The following PKHD1 variants were observed in gnomAD, a reference collection of about 807,000 sequenced individuals.
PKHD1 encodes the protein PKHD1 ciliary IPT domain containing fibrocystin/polyductin, also known as fibrocystin.
Under a neutral mutation model 412.0 loss-of-function variants are expected in PKHD1, and 291 were observed. That is an observed-to-expected ratio of 0.71 (90% CI 0.64 to 0.78). The LOEUF is 0.78. PKHD1 is among the 30% of genes least tolerant of loss of function. The pLI is 0.00. For missense variants in PKHD1, 4,825 were observed against 4,950.7 expected (o/e 0.97, Z 0.76); for synonymous variants, 1,777 against 1,821.5 (o/e 0.98, Z 0.62).
intron 60 of PKHD1, among the ~76,000 whole-genome samples, chr6:51,727,542 T>G (rs983002032): frequency 6.6e-6 from 1 of 152,244 alleles, no homozygotes; most frequent in Admixed American, 6.5e-5. Context: ...GGCCCCCTTC[T>G]GGCGTCTTTA....
chr6:51,775,941 T>C lies in PKHD1; in HGVS notation c.8441-20A>G. 1.8e-6 allele frequency: 2 copies of C among 1,101,774 alleles called. No individual in the cohort carries two copies. The highest frequency in any genetic ancestry group is 2.8e-6 in the Non-Finnish European group (2 of 715,666). The allele number at this position is 1,101,774 out of a possible 1,614,324, so 68.2% of individuals were successfully genotyped here. On this transcript the variant is annotated intron_variant, in intron 53 of 66. Transcript: ENST00000371117. ...AAGTACCTGTTTACAAAGAAAAGTA[T>C]ATCATTCAAATCAATTTGAAATTAA...
intron 48 of PKHD1, among the ~76,000 whole-genome samples, chr6:51,858,298 A>G (rs144539315): frequency 1.3e-5 from 2 of 152,326 alleles, no homozygotes; most frequent in African/African-American, 4.8e-5. Context: ...ATTTGCGCTC[A>G]GTCATCATGG....
intron 64 of PKHD1, among the ~76,000 whole-genome samples, chr6:51,633,180 T>TA (rs1373480983): frequency 6.6e-6 from 1 of 152,106 alleles, no homozygotes; most frequent in African/African-American, 2.4e-5. Flanking sequence ...CATATTGTCT[T>TA]AGAGAGTTAT....
intron 49 of PKHD1, among the ~76,000 whole-genome samples, chr6:51,851,917 C>T (rs9370068): frequency 0.53 from 81,042 of 151,602 alleles, 22,170 homozygotes; most frequent in East Asian, 0.85. Context: ...AATTCTTCTC[C>T]GATCTTAGTT....
At chr6:51,967,209 C>G (rs1792943881) in intron 35 of PKHD1, among the ~76,000 whole-genome samples, 1 of 151,972 alleles carries the variant, frequency 6.6e-6, no homozygotes, top group Non-Finnish European at 1.5e-5. Context: ...GTCCACAACC[C>G]ACTATTTTGA....
At chr6:51,983,971 G>C (rs528416355) in intron 35 of PKHD1, among the ~76,000 whole-genome samples, 1 of 152,166 alleles carries the variant, frequency 6.6e-6, no homozygotes, top group South Asian at 2.1e-4. Context: ...ACTCTTTCTA[G>C]TCACACTGTT....
chr6:51,846,949 A>G (rs538885407), intron 50 of PKHD1, among the ~76,000 whole-genome samples: 7 of 151,712 alleles, frequency 4.6e-5, no homozygotes, highest in African/African-American at 1.7e-4. Flanking sequence ...TCAGCCATCC[A>G]TTTTTTTCTC....
rs202008567 is a variant in PKHD1, at chr6:51,870,552, T to A, written c.7438A>T (p.Ile2480Phe). Residue 2480 changes from isoleucine (I) to phenylalanine (F), a missense_variant, in exon 47 of 67, where the codon ATC becomes TTC. By Grantham distance (21) the Ile-to-Phe change is conservative (BLOSUM62 0). Transcript: ENST00000371117. Reference sequence around the variant, plus strand: ...CAGGTTCTAATGGCCACACAGTTGATGAGATCAAAATTAACAAAGGTTGTG... The same window carrying A: ...CAGGTTCTAATGGCCACACAGTTGAAGAGATCAAAATTAACAAAGGTTGTG... ...SNTTFVNFDL[I>F]NCVAIRTCSD... The A allele has an allele frequency of 5.6e-6, 9 of 1,608,610 alleles. No homozygotes were observed. In the Admixed American group the frequency reaches 1.0e-4, roughly 18 times the overall value.
chr6:52,021,858 C>G (rs1262846333), intron 33 of PKHD1, among the ~76,000 whole-genome samples: 1 of 152,110 alleles, frequency 6.6e-6, no homozygotes, highest in Non-Finnish European at 1.5e-5. Flanking sequence ...CTCATCCAAG[C>G]TCAGATGATG....
At chr6:51,803,132 C>A (rs1447588337) in intron 52 of PKHD1, among the ~76,000 whole-genome samples, 1 of 151,164 alleles carries the variant, frequency 6.6e-6, no homozygotes, top group Non-Finnish European at 1.5e-5. Context: ...TGTTGTGCTC[C>A]TAAATTAATA....
chr6:51,791,179 C>A, intron 53 of PKHD1, 57 bp downstream of exon 53: 1 of 1,554,016 alleles, frequency 6.4e-7, no homozygotes, highest in Non-Finnish European at 8.9e-7. Flanking sequence ...TTTCCCAGAG[C>A]CCCTTCTCAC....
intron 37 of PKHD1, among the ~76,000 whole-genome samples, chr6:51,918,860 G>T (rs1159949948): frequency 3.3e-5 from 5 of 152,142 alleles, no homozygotes; most frequent in Non-Finnish European, 7.4e-5. Context: ...CATTCTCACT[G>T]GTGTGAGATG....
intron 52 of PKHD1, among the ~76,000 whole-genome samples, chr6:51,800,499 C>T (rs1762741092): frequency 6.6e-6 from 1 of 152,158 alleles, no homozygotes; most frequent in Non-Finnish European, 1.5e-5. Flanking sequence ...GCTGGGGCTT[C>T]TTTTGTATCA....
intron 16 of PKHD1, among the ~76,000 whole-genome samples, chr6:52,057,747 C>T (rs1289774328): frequency 1.3e-5 from 2 of 152,122 alleles, no homozygotes; most frequent in African/African-American, 4.8e-5. Context: ...TTGTTACTTT[C>T]TACTTTGTTC....
At chr6:51,749,918 C>T (rs1390321478) in intron 57 of PKHD1, among the ~76,000 whole-genome samples, 3 of 152,072 alleles carry the variant, frequency 2.0e-5, no homozygotes, top group Non-Finnish European at 2.9e-5. Flanking sequence ...TTTTAAGGTA[C>T]TGACTAAAGT....
chr6:51,649,134 A>G lies in PKHD1; in HGVS notation c.11261T>C (p.Val3754Ala), dbSNP rs758843680. 15 of 1,613,702 alleles carry G rather than the reference A, an allele frequency of 9.3e-6. No homozygotes were observed. In the African/African-American group the frequency reaches 2.0e-4, roughly 22 times the overall value. The change falls in exon 62 of 67, where the codon GTG becomes GCG. Residue 3754 changes from valine (V) to alanine (A), a missense_variant. Val to Ala is a moderately conservative substitution (Grantham distance 64). Coordinates refer to ENST00000371117, the MANE Select transcript of PKHD1 (RefSeq NM_138694.4). ...TGGCTGCACTGGAAGCTCATTTCCCACTTCTCCATCTGAAGGCTGGACTAG... is the reference window on the plus strand; with the variant it reads ...TGGCTGCACTGGAAGCTCATTTCCCGCTTCTCCATCTGAAGGCTGGACTAG... ...SILVQPSDGE[V>A]GNELPVQPQL...
intron 52 of PKHD1, among the ~76,000 whole-genome samples, chr6:51,815,462 G>A (rs1765298583): frequency 6.6e-6 from 1 of 152,072 alleles, no homozygotes; most frequent in South Asian, 2.1e-4. Flanking sequence ...GAGAGGTTTA[G>A]GGTGGGGAGG....
At chr6:51,702,366 TG>T (rs1779552118) in intron 60 of PKHD1, among the ~76,000 whole-genome samples, 1 of 151,504 alleles carries the variant, frequency 6.6e-6, no homozygotes, top group South Asian at 2.1e-4. Flanking sequence ...CACTCATAAG[TG>T]GGAGCTAAGC....
At position 52,024,564 on chromosome 6, in the gene PKHD1, C is replaced by A; in HGVS notation, c.5236+10G>T. On this transcript the variant is annotated intron_variant, in intron 32 of 66. Coordinates refer to ENST00000371117, the MANE Select transcript of PKHD1 (RefSeq NM_138694.4). The stretch of plus-strand genomic sequence containing the variant: ...TAAAGAAAGTGTGCTGTCTTATTTG[C>A]TTGACTTACCGAAGTTCTCCGTCAC... 1 of 1,613,258 alleles carries A rather than the reference C, an allele frequency of 6.2e-7. No homozygotes were observed. The highest frequency in any genetic ancestry group is 1.1e-5 in the South Asian group (1 of 91,048).
Sources: gnomAD v4.1 joint callset for allele counts (sites outside exome capture counted in the v4.1 genomes callset) on GRCh38, gnomAD v4.1.1 for gene constraint, MANE v1.5 for transcripts, NCBI Gene and HGNC (gene_info 2026-07-23, HGNC 2026-07-21) for gene names.